PACRG: variants seen among roughly 807,000 people sequenced by gnomAD.
PACRG encodes parkin coregulated.
In PACRG, 29 loss-of-function variants were observed where a neutral mutation model predicts 29.7. The ratio of observed to expected loss-of-function variants is 0.98; its 90% CI spans 0.73 to 1.33. The LOEUF (loss-of-function observed/expected upper bound fraction) is 1.33, where lower values mean the gene tolerates loss of function less well. Among genes scored for constraint, PACRG ranks in the 40% most tolerant of loss-of-function variants. The pLI, the probability that PACRG is intolerant of heterozygous loss-of-function variation, is 0.00. For synonymous variants in PACRG, 116 were observed against 118.7 expected (o/e 0.98, Z 0.15); for missense variants, 279 against 316.2 (o/e 0.88, Z 0.89).
chr6:163,301,946 G>A (rs1785021568), intron 4 of PACRG, among the ~76,000 whole-genome samples: 1 of 152,168 alleles, frequency 6.6e-6, no homozygotes, highest in Non-Finnish European at 1.5e-5. Context: ...CCCCTCAGGG[G>A]TCCTGTTGTT....
chr6:162,740,767 T>A (rs1780527421), intron 1 of PACRG, among the ~76,000 whole-genome samples: 1 of 151,414 alleles, frequency 6.6e-6, no homozygotes, highest in African/African-American at 2.4e-5. Flanking sequence ...GCCCAGCTAA[T>A]TTTTGTATTT....
At chr6:163,050,628 A>T (rs1809904655) in intron 2 of PACRG, among the ~76,000 whole-genome samples, 1 of 152,128 alleles carries the variant, frequency 6.6e-6, no homozygotes, top group South Asian at 2.1e-4. Context: ...AATACATTTG[A>T]TTTGTCTTTA....
At chr6:162,735,997 T>G (rs1780139802) in intron 1 of PACRG, among the ~76,000 whole-genome samples, 1 of 152,194 alleles carries the variant, frequency 6.6e-6, no homozygotes, top group South Asian at 2.1e-4. Flanking sequence ...AGTCAGTATA[T>G]TTATCAATGG....
At chr6:163,243,954 CAG>C (rs1782599352) in intron 4 of PACRG, among the ~76,000 whole-genome samples, 1 of 152,152 alleles carries the variant, frequency 6.6e-6, no homozygotes, top group South Asian at 2.1e-4. Flanking sequence ...ACAGAGTAAG[CAG>C]AGACTGAGCA....
rs1250680903 is a variant in PACRG, at chr6:162,771,375, AG to A, written c.157-42769del. 6.6e-5 allele frequency among the ~76,000 whole-genome samples: 10 copies of A among 152,254 alleles called. No individual in the cohort carries two copies. The East Asian group carries it at 1.9e-3, about 29-fold the overall frequency. On this transcript the variant is annotated intron_variant, in intron 1 of 4. Coordinates refer to ENST00000366888, the MANE Select transcript of PACRG (RefSeq NM_001080379.2). ...ATCAGTGGTCCACCATTCCTCTTCCAGGGTTATATTTCATTGTGTTCTGATT... is the reference window on the plus strand; with the variant it reads ...ATCAGTGGTCCACCATTCCTCTTCCAGGTTATATTTCATTGTGTTCTGATT...
intron 4 of PACRG, among the ~76,000 whole-genome samples, chr6:163,115,732 G>A (rs529416925): frequency 2.6e-5 from 4 of 152,220 alleles, no homozygotes; most frequent in African/African-American, 7.2e-5. Context: ...AGCAGGCCAG[G>A]CCCCCTTCTG....
At chr6:162,998,303 CCAGTCCT>C (rs1428803866) in intron 2 of PACRG, among the ~76,000 whole-genome samples, 1 of 152,144 alleles carries the variant, frequency 6.6e-6, no homozygotes. Context: ...GGACTTGTCT[CCAGTCCT>C]CATGCCGTAT....
intron 2 of PACRG, among the ~76,000 whole-genome samples, chr6:162,875,674 C>T (rs1014298607): frequency 1.3e-5 from 2 of 152,226 alleles, no homozygotes; most frequent in Non-Finnish European, 2.9e-5. Flanking sequence ...ATGTCCAAGG[C>T]TGGTTTTCCC....
intron 1 of PACRG, among the ~76,000 whole-genome samples, chr6:162,809,143 A>T (rs1313684381): frequency 6.6e-6 from 1 of 152,174 alleles, no homozygotes; most frequent in African/African-American, 2.4e-5. Context: ...ACAGAAAAAA[A>T]TATTATTTCA....
intron 2 of PACRG, among the ~76,000 whole-genome samples, chr6:163,028,921 C>G (rs755823621): frequency 4.6e-5 from 7 of 152,188 alleles, no homozygotes; most frequent in Admixed American, 2.6e-4. Context: ...AATCCTGGAG[C>G]CTGTGAACAT....
intron 1 of PACRG, among the ~76,000 whole-genome samples, chr6:162,801,894 G>T (rs74557223): frequency 6.6e-6 from 1 of 151,956 alleles, no homozygotes; most frequent in Non-Finnish European, 1.5e-5. Context: ...CAAATACAGG[G>T]AATAGCAAAC....
intron 2 of PACRG, among the ~76,000 whole-genome samples, chr6:162,871,563 A>G (rs1399820005): frequency 3.3e-5 from 5 of 152,180 alleles, no homozygotes; most frequent in East Asian, 3.9e-4. Context: ...TCTCATATAT[A>G]TGTTTTCAAA....
intron 1 of PACRG, among the ~76,000 whole-genome samples, chr6:162,775,106 TA>T (rs1396562213): frequency 6.6e-6 from 1 of 152,184 alleles, no homozygotes; most frequent in Non-Finnish European, 1.5e-5. Flanking sequence ...AGTGCTCTTC[TA>T]AAAGAGGCCC....
intron 4 of PACRG, among the ~76,000 whole-genome samples, chr6:163,280,411 G>GA (rs1382542779): frequency 0.011 from 1,695 of 152,244 alleles, 32 homozygotes; most frequent in African/African-American, 0.039. Context: ...GGGTTATACT[G>GA]TGCACCACCC....
At chr6:163,259,689 A>C (rs945200755) in intron 4 of PACRG, among the ~76,000 whole-genome samples, 2 of 152,126 alleles carry the variant, frequency 1.3e-5, no homozygotes, top group African/African-American at 4.8e-5. Context: ...CTTCACTCTG[A>C]CTATAAGGTC....
At chr6:162,814,888 A>G (rs774058880) in intron 2 of PACRG, among the ~76,000 whole-genome samples, 3 of 152,186 alleles carry the variant, frequency 2.0e-5, no homozygotes, top group Non-Finnish European at 4.4e-5. Flanking sequence ...TTGGCTTCAA[A>G]ATAAATGTAT....
intron 1 of PACRG, among the ~76,000 whole-genome samples, chr6:162,775,493 C>T (rs1475457900): frequency 6.6e-6 from 1 of 152,146 alleles, no homozygotes; most frequent in African/African-American, 2.4e-5. Context: ...ATGCTTTTCA[C>T]AGAACTTAAA....
chr6:163,186,577 C>G (rs1395264988), intron 4 of PACRG, among the ~76,000 whole-genome samples: 1 of 152,152 alleles, frequency 6.6e-6, no homozygotes, highest in African/African-American at 2.4e-5. Flanking sequence ...AGAGTTGGAA[C>G]TCTTGATTCC....
intron 4 of PACRG, among the ~76,000 whole-genome samples, chr6:163,139,999 C>T (rs1433190569): frequency 6.6e-6 from 1 of 152,146 alleles, no homozygotes; most frequent in Non-Finnish European, 1.5e-5. Context: ...CAGGACGAGC[C>T]CCATTCTCAT....
Sources: allele counts gnomAD v4.1 joint callset (sites outside exome capture counted in the v4.1 genomes callset), GRCh38; gene constraint gnomAD v4.1.1; transcripts MANE v1.5; gene names NCBI Gene and HGNC (gene_info 2026-07-23, HGNC 2026-07-21).